Variants in KIRREL3 observed in about 807,000 individuals in gnomAD.
The protein encoded by KIRREL3 is kin of IRRE-like protein 3.
A neutral mutation model predicts 89.7 loss-of-function variants in KIRREL3; 36 were observed. The observed-to-expected ratio is 0.40, with a 90% CI of 0.31 to 0.53. The LOEUF (loss-of-function observed/expected upper bound fraction) is 0.53, where lower values mean the gene tolerates loss of function less well. Ranked by LOEUF, KIRREL3 falls within the 20% of genes least tolerant of loss-of-function variation. The pLI is 0.49. For synonymous variants in KIRREL3, 445 were observed against 441.4 expected (o/e 1.01, Z -0.10); for missense variants, 864 against 1,056.6 (o/e 0.82, Z 2.53).
chr11:126,668,693 T>TTTTCTC lies in KIRREL3; in HGVS notation c.56-105782_56-105781insGAGAAA, dbSNP rs1945778454. Among the ~76,000 whole-genome samples, 1 of 126,596 alleles carries TTTTCTC rather than the reference T, an allele frequency of 7.9e-6. No individual in the cohort carries two copies. Among genetic ancestry groups the TTTTCTC allele is most frequent in the African/African-American group, 3.1e-5 (1 of 32,454 alleles). The allele number at this position is 126,596 out of a possible 152,430, so 83.1% of individuals were successfully genotyped here. ...TAAAGAGCTGTTGGGAAGTTTCTGT[T>TTTTCTC]TTTCTTTCTTTCTTTCTTTCTTTCT... On this transcript the variant is annotated intron_variant, in intron 1 of 16. Transcript: ENST00000525144. This position sits in a 1 kb window ranked among gnomAD's most constrained non-coding sequence, Gnocchi z 4.4.
intron 1 of KIRREL3, among the ~76,000 whole-genome samples, chr11:126,707,815 C>T (rs562791107): frequency 6.7e-6 from 1 of 148,486 alleles, no homozygotes; most frequent in East Asian, 2.0e-4. Context: ...TAAGTGCTTC[C>T]TCTTGGTCCT....
intron 1 of KIRREL3, among the ~76,000 whole-genome samples, chr11:126,862,661 A>G (rs190349084): frequency 1.3e-5 from 2 of 152,300 alleles, no homozygotes; most frequent in South Asian, 2.1e-4. Context: ...GAGGCAGGGC[A>G]CCTGGCTTCC....
At position 126,994,884 on chromosome 11, in the gene KIRREL3, G is replaced by C. The variant is rs1950134251; in HGVS notation, c.55+5571C>G. The stretch of plus-strand genomic sequence containing the variant: ...CATAGCATCCCTTCCCCAACCATGA[G>C]AGAAGTATTCTGATGATCTATAAGG... On this transcript the variant is annotated intron_variant, in intron 1 of 16. Transcript: ENST00000525144. The surrounding 1 kb of genome is among the most constrained non-coding windows in gnomAD (Gnocchi z 5.2). Among the ~76,000 whole-genome samples the C allele has an allele frequency of 6.6e-6, 1 of 152,138 alleles. No homozygotes were observed. The highest frequency in any genetic ancestry group is 1.5e-5 in the Non-Finnish European group (1 of 68,030).
rs1415326201 is a variant in KIRREL3 at position 126,430,140 on chromosome 11, A to G, written c.1697-852T>C. Among the ~76,000 whole-genome samples, 2 of 147,482 alleles carry G rather than the reference A, an allele frequency of 1.4e-5. No individual in the cohort carries two copies. Among genetic ancestry groups the G allele is most frequent in the East Asian group, 4.1e-4 (2 of 4,896 alleles). On this transcript the variant is annotated intron_variant, in intron 14 of 16. Coordinates refer to ENST00000525144, the MANE Select transcript of KIRREL3 (RefSeq NM_032531.4). This position sits in a 1 kb window ranked among gnomAD's most constrained non-coding sequence, Gnocchi z 6.6. ...GCAACAGGATGAGACTCTGTCTCAA[A>G]AAAAAAAAAGGAAATTCTTGAGGAG...
At position 126,677,261 on chromosome 11, in the gene KIRREL3, C is replaced by T. The variant is rs1042242247; in HGVS notation, c.56-114349G>A. Among the ~76,000 whole-genome samples, 2 of 152,038 alleles carry T rather than the reference C, an allele frequency of 1.3e-5. No individual in the cohort carries two copies. Among genetic ancestry groups the T allele is most frequent in the African/African-American group, 2.4e-5 (1 of 41,380 alleles). On this transcript the variant is annotated intron_variant, in intron 1 of 16. Transcript: ENST00000525144. The surrounding 1 kb of genome is among the most constrained non-coding windows in gnomAD (Gnocchi z 5.1). ...CCCTCCCCATCACCTGGGTTTTAGG[C>T]GACTACTAATTTACTTTCTGGCTAA...
intron 1 of KIRREL3, among the ~76,000 whole-genome samples, chr11:126,980,120 T>C (rs1220971367): frequency 6.6e-6 from 1 of 152,152 alleles, no homozygotes; most frequent in East Asian, 1.9e-4. Context: ...AGAGGTAACC[T>C]TTGAGCCAAG....
chr11:126,790,263 G>A (rs900302093), intron 1 of KIRREL3, among the ~76,000 whole-genome samples: 1 of 152,150 alleles, frequency 6.6e-6, no homozygotes, highest in Non-Finnish European at 1.5e-5. Context: ...CTGATTAGAC[G>A]GACTCGGTCC....
intron 1 of KIRREL3, among the ~76,000 whole-genome samples, chr11:126,593,244 C>T (rs1019051911): frequency 1.3e-5 from 2 of 152,232 alleles, no homozygotes; most frequent in African/African-American, 4.8e-5. Context: ...TTGACTGACT[C>T]ATCGGTCACT....
Position 126,948,732 on chromosome 11 carries a change from C to T in KIRREL3, c.55+51723G>A, listed in dbSNP as rs1455922079. On this transcript the variant is annotated intron_variant, in intron 1 of 16. Transcript: ENST00000525144. This position sits in a 1 kb window ranked among gnomAD's most constrained non-coding sequence, Gnocchi z 4.5. ...GGAAATACAAGGTGACTGACGCCATCCATAGGGTAAACAAAGTGGTACAAT... is the reference window on the plus strand; with the variant it reads ...GGAAATACAAGGTGACTGACGCCATTCATAGGGTAAACAAAGTGGTACAAT... 6.6e-6 allele frequency among the ~76,000 whole-genome samples: 1 copy of T among 152,152 alleles called. No homozygotes were observed. Among genetic ancestry groups the T allele is most frequent in the Non-Finnish European group, 1.5e-5 (1 of 68,032 alleles).
At chr11:126,875,628 C>T (rs1945257452) in intron 1 of KIRREL3, among the ~76,000 whole-genome samples, 1 of 152,186 alleles carries the variant, frequency 6.6e-6, no homozygotes, top group Admixed American at 6.5e-5. Flanking sequence ...CAACATTAGA[C>T]TAAAAATAAA....
rs1938007376 is a variant in KIRREL3, at chr11:126,537,639, G to T, written c.134-10952C>A. Among the ~76,000 whole-genome samples, 1 of 152,196 alleles carries T rather than the reference G, an allele frequency of 6.6e-6. No homozygotes were observed. Among genetic ancestry groups the T allele is most frequent in the African/African-American group, 2.4e-5 (1 of 41,448 alleles). ...CACAGGGTCAGTCAGCCCTAGGAAG[G>T]AACTCTGGCCCTGTACCTAGCAGTG... On this transcript the variant is annotated intron_variant, in intron 2 of 16. Coordinates refer to ENST00000525144, the MANE Select transcript of KIRREL3 (RefSeq NM_032531.4). The surrounding 1 kb of genome is among the most constrained non-coding windows in gnomAD (Gnocchi z 4.3).
intron 1 of KIRREL3, among the ~76,000 whole-genome samples, chr11:126,630,395 A>G (rs983466324): frequency 1.3e-5 from 2 of 152,210 alleles, no homozygotes; most frequent in Non-Finnish European, 2.9e-5. Flanking sequence ...ACTAATATTT[A>G]GCAAAGAATT....
At position 126,652,299 on chromosome 11, in the gene KIRREL3, G is replaced by A. The variant is rs1191501818; in HGVS notation, c.56-89387C>T. On this transcript the variant is annotated intron_variant, in intron 1 of 16. Transcript: ENST00000525144. The surrounding 1 kb of genome is among the most constrained non-coding windows in gnomAD (Gnocchi z 4.9). Reference sequence around the variant, plus strand: ...AAAAAGCCCGGGTTGGGGTCTCTGTGGGTTGATGGATATAAACCATCTTCT... The same window carrying A: ...AAAAAGCCCGGGTTGGGGTCTCTGTAGGTTGATGGATATAAACCATCTTCT... 1.3e-5 allele frequency among the ~76,000 whole-genome samples: 2 copies of A among 152,092 alleles called. No homozygotes were observed. The highest frequency in any genetic ancestry group is 6.5e-5 in the Admixed American group (1 of 15,276).
Position 127,000,738 on chromosome 11 carries a change from G to T in KIRREL3, c.-229C>A. ...CCGCCTCGGGAAGCCGGGATTGTCA[G>T]CAATGTCCCCACTCGGAGAAGATCC... is the stretch of plus-strand genomic sequence containing the variant. On this transcript the variant is annotated 5_prime_UTR_variant, in exon 1 of 17. In the 5' UTR this introduces an upstream ATG that the reference lacks. Coordinates refer to ENST00000525144, the MANE Select transcript of KIRREL3 (RefSeq NM_032531.4). The surrounding 1 kb of genome is among the most constrained non-coding windows in gnomAD (Gnocchi z 7.1). 1 of 538,842 alleles carries T rather than the reference G, an allele frequency of 1.9e-6. No individual in the cohort carries two copies. Among genetic ancestry groups the T allele is most frequent in the East Asian group, 3.1e-5 (1 of 32,294 alleles). 33.4% of individuals were successfully genotyped at this position (538,842 alleles called of 1,614,324 possible). A position where few individuals can be genotyped will look rare whatever the true frequency, so the allele number is the denominator to read the frequency against.
chr11:126,440,923 A>G (rs886638086), intron 10 of KIRREL3: 39 of 288,428 alleles, frequency 1.4e-4, no homozygotes, highest in South Asian at 8.0e-4. Context: ...GTAAGCCTGC[A>G]GAGGGGGTGG....
At chr11:126,737,453 G>A (rs1948840829) in intron 1 of KIRREL3, among the ~76,000 whole-genome samples, 1 of 152,220 alleles carries the variant, frequency 6.6e-6, no homozygotes, top group African/African-American at 2.4e-5. Flanking sequence ...GGGGCCTGGG[G>A]AAGGAGTGGA....
Position 126,455,497 on chromosome 11 carries a change from G to A in KIRREL3, c.848+852C>T, listed in dbSNP as rs1956305752. On this transcript the variant is annotated intron_variant, in intron 7 of 16. Transcript: ENST00000525144. The surrounding 1 kb of genome is among the most constrained non-coding windows in gnomAD (Gnocchi z 6.4). ...GGCAGAAACAAGTAAAACAAAAACA[G>A]TGATGCTTTGGCCGGGTGCGGTGGC... 6.6e-6 allele frequency among the ~76,000 whole-genome samples: 1 copy of A among 152,182 alleles called. No individual in the cohort carries two copies. The highest frequency in any genetic ancestry group is 1.5e-5 in the Non-Finnish European group (1 of 68,036).
chr11:126,921,468 T>G (rs1163481306), intron 1 of KIRREL3, among the ~76,000 whole-genome samples: 1 of 152,028 alleles, frequency 6.6e-6, no homozygotes, highest in Non-Finnish European at 1.5e-5. Context: ...TCTACCTATC[T>G]GTCCATCCAT....
intron 1 of KIRREL3, among the ~76,000 whole-genome samples, chr11:126,938,576 T>C (rs1265711650): frequency 6.6e-6 from 1 of 152,204 alleles, no homozygotes; most frequent in East Asian, 1.9e-4. Context: ...CCAGCTACTC[T>C]AGGTCTCCAC....
Sources: gnomAD v4.1 joint callset for allele counts (sites outside exome capture counted in the v4.1 genomes callset) on GRCh38, gnomAD v4.1.1 for gene constraint, Gnocchi (gnomAD v3.1) non-coding constraint, MANE v1.5 for transcripts, NCBI Gene and HGNC (gene_info 2026-07-23, HGNC 2026-07-21) for gene names.